Variants in TUSC3 observed in about 807,000 individuals in gnomAD.
The protein encoded by TUSC3 is dolichyl-diphosphooligosaccharide--protein glycosyltransferase subunit TUSC3.
A neutral mutation model predicts 44.8 loss-of-function variants in TUSC3; 45 were observed. The observed-to-expected ratio is 1.00, with a 90% CI of 0.79 to 1.29. TUSC3 has a LOEUF of 1.29. Among genes scored for constraint, TUSC3 ranks in the 50% most tolerant of loss-of-function variants. TUSC3 has a pLI of 0.00. For synonymous variants in TUSC3, 212 were observed against 152.9 expected (o/e 1.39, Z -2.85); for missense variants, 519 against 437.9 (o/e 1.19, Z -1.65).
chr8:15,486,905 GTATT>G (rs1482057175), intron 2 of TUSC3, among the ~76,000 whole-genome samples: 1 of 152,168 alleles, frequency 6.6e-6, no homozygotes, highest in African/African-American at 2.4e-5. Flanking sequence ...TCCAGGGACT[GTATT>G]TATTTTTCTA....
intron 1 of TUSC3, among the ~76,000 whole-genome samples, chr8:15,449,746 A>C (rs977454844): frequency 2.0e-5 from 3 of 151,950 alleles, no homozygotes; most frequent in African/African-American, 7.3e-5. Flanking sequence ...ATTTTTCATC[A>C]CTCACTCACT....
chr8:15,506,968 T>C (rs1459712474), intron 2 of TUSC3, among the ~76,000 whole-genome samples: 1 of 152,236 alleles, frequency 6.6e-6, no homozygotes, highest in African/African-American at 2.4e-5. Flanking sequence ...GTCATATTTC[T>C]AGATGGCTGT....
intron 2 of TUSC3, among the ~76,000 whole-genome samples, chr8:15,623,597 T>A (rs77350386): frequency 0.018 from 2,722 of 152,006 alleles, 29 homozygotes; most frequent in Middle Eastern, 0.034. Flanking sequence ...TAGAGAGGAC[T>A]CACTTTTATC....
At chr8:15,696,561 T>G (rs1019137962) in intron 6 of TUSC3, among the ~76,000 whole-genome samples, 2 of 152,090 alleles carry the variant, frequency 1.3e-5, no homozygotes, top group African/African-American at 4.8e-5. Flanking sequence ...GCCACCGTCC[T>G]CCAGACCCCA....
chr8:15,604,592 G>C (rs963488976), intron 1 of TUSC3, among the ~76,000 whole-genome samples: 2 of 151,730 alleles, frequency 1.3e-5, no homozygotes, highest in African/African-American at 4.8e-5. Flanking sequence ...ATTAACTTTT[G>C]TCATTTGCTT....
chr8:15,704,251 A>G (rs533150773), intron 6 of TUSC3, among the ~76,000 whole-genome samples: 2 of 116,690 alleles, frequency 1.7e-5, no homozygotes, highest in East Asian at 5.4e-4. Context: ...AAACATTCTT[A>G]ATGGTTTTTT....
downstream of TUSC3, among the ~76,000 whole-genome samples, chr8:15,768,222 G>A (rs537671361): frequency 6.6e-6 from 1 of 152,064 alleles, no homozygotes; most frequent in East Asian, 1.9e-4. Context: ...CTGACCACTA[G>A]GCTAATGGAA....
intron 1 of TUSC3, among the ~76,000 whole-genome samples, chr8:15,581,573 T>G (rs4301451): frequency 0.017 from 2,585 of 148,742 alleles, 107 homozygotes; most frequent in Admixed American, 0.089. Context: ...TGGAATACCC[T>G]GCAGTGTGAG....
At chr8:15,830,927 A>T in the TUSC3 span, among the ~76,000 whole-genome samples, 1 of 152,224 alleles carries the variant, frequency 6.6e-6, no homozygotes, top group Non-Finnish European at 1.5e-5. Context: ...ATTAAAAATT[A>T]AAAAGGAAGC....
chr8:15,612,447 A>G (rs775794870), intron 1 of TUSC3, among the ~76,000 whole-genome samples: 8 of 152,208 alleles, frequency 5.3e-5, no homozygotes, highest in South Asian at 2.1e-4. Context: ...GTTTAATGCA[A>G]TGTACTATTT....
intron 2 of TUSC3, among the ~76,000 whole-genome samples, chr8:15,490,337 A>T (rs1462384152): frequency 2.0e-5 from 3 of 152,198 alleles, no homozygotes; most frequent in Non-Finnish European, 2.9e-5. Context: ...CTGAGTCTAA[A>T]GAATTCATGA....
At position 15,624,598 on chromosome 8, in the gene TUSC3, A is replaced by G. The variant is rs148521832; in HGVS notation, c.308+1349A>G. On this transcript the variant is annotated intron_variant, in intron 2 of 10. Transcript: ENST00000503731. ...CTTTTCATGTGCTTATTCGTCATCTATGTATCATCTTTAATGAAGTATCTG... is the reference window on the plus strand; with the variant it reads ...CTTTTCATGTGCTTATTCGTCATCTGTGTATCATCTTTAATGAAGTATCTG... 8.4e-3 allele frequency among the ~76,000 whole-genome samples: 1,272 copies of G among 152,244 alleles called. 18 individuals carry two copies. The highest frequency in any genetic ancestry group is 0.029 in the African/African-American group (1,199 of 41,544).
At chr8:15,851,398 G>C in the TUSC3 span, among the ~76,000 whole-genome samples, 3 of 152,142 alleles carry the variant, frequency 2.0e-5, no homozygotes, top group Non-Finnish European at 4.4e-5. Flanking sequence ...ACGATGCGAT[G>C]ATAACAAATA....
intron 7 of TUSC3, among the ~76,000 whole-genome samples, chr8:15,742,252 A>ATGTT (rs560423686): frequency 0.084 from 378 of 4,490 alleles, 1 homozygote; most frequent in African/African-American, 0.18. Flanking sequence ...TCTCTTGTAT[A>ATGTT]TGTTAGGCTC....
intron 1 of TUSC3, among the ~76,000 whole-genome samples, chr8:15,446,734 GA>G (rs1277635947): frequency 2.7e-5 from 3 of 110,838 alleles, no homozygotes; most frequent in Non-Finnish European, 5.6e-5. Context: ...GGAGACAGGA[GA>G]GGGGGAGGGA....
intron 6 of TUSC3, among the ~76,000 whole-genome samples, chr8:15,699,776 A>T (rs1809319481): frequency 6.6e-6 from 1 of 152,132 alleles, no homozygotes; most frequent in Non-Finnish European, 1.5e-5. Flanking sequence ...GTACAGGAAA[A>T]GTCTAATTTA....
At chr8:15,428,154 C>T (rs1253168848) in intron 1 of TUSC3, among the ~76,000 whole-genome samples, 4 of 118,528 alleles carry the variant, frequency 3.4e-5, no homozygotes, top group Admixed American at 2.3e-4. Flanking sequence ...AGTGTGTGAT[C>T]GTCCCCTTCC....
At chr8:15,551,358 A>G (rs1802055845) in intron 1 of TUSC3, among the ~76,000 whole-genome samples, 1 of 151,688 alleles carries the variant, frequency 6.6e-6, no homozygotes, top group Admixed American at 6.6e-5. Context: ...AGCTAATTTT[A>G]TGTTTTAGAA....
chr8:15,444,840 C>A (rs1215420151), intron 1 of TUSC3, among the ~76,000 whole-genome samples: 1 of 152,158 alleles, frequency 6.6e-6, no homozygotes, highest in Non-Finnish European at 1.5e-5. Context: ...TTTCTTCTTT[C>A]CCTCATCTTT....
Sources: gnomAD v4.1 joint callset for allele counts (sites outside exome capture counted in the v4.1 genomes callset) on GRCh38, gnomAD v4.1.1 for gene constraint, MANE v1.5 for transcripts, NCBI Gene and HGNC (gene_info 2026-07-23, HGNC 2026-07-21) for gene names.